GMCL1: variants seen among roughly 807,000 people sequenced by gnomAD.
GMCL1 encodes the protein germ cell-less protein-like 1.
A neutral mutation model predicts 75.5 loss-of-function variants in GMCL1; 54 were observed. That is an observed-to-expected ratio of 0.71 (90% CI 0.57 to 0.90). The LOEUF (loss-of-function observed/expected upper bound fraction) is 0.90. Among genes scored for constraint, GMCL1 ranks in the 40% least tolerant of loss-of-function variants. The probability of loss-of-function intolerance (pLI) is 0.00; values close to 1 mark genes in which losing one functional copy is unlikely to be tolerated. For missense variants in GMCL1, 537 were observed against 622.7 expected (o/e 0.86, Z 1.47); for synonymous variants, 210 against 209.6 (o/e 1.00, Z -0.02).
At chr2:69,836,127 G>A (rs1296940178) in intron 1 of GMCL1, among the ~76,000 whole-genome samples, 1 of 152,128 alleles carries the variant, frequency 6.6e-6, no homozygotes, top group East Asian at 1.9e-4. Flanking sequence ...TTGTTTCCCT[G>A]AGACCTCATC....
chr2:69,847,543 T>TA lies in GMCL1; in HGVS notation c.760dup (p.Ile254AsnfsTer12), dbSNP rs1675188971. On this transcript the variant is annotated frameshift_variant and splice_region_variant, in exon 7 of 14. Transcript: ENST00000282570. LOFTEE classifies it high-confidence loss of function. The stretch of plus-strand genomic sequence containing the variant: ...CACTCCCTCTATTTATCCTTTTCAG[T>TA]ATAAATGTCATGAAACAGCTCATTG... The TA allele has an allele frequency of 3.8e-6, 6 of 1,577,826 alleles. No individual in the cohort carries two copies. The highest frequency in any genetic ancestry group is 3.5e-6 in the Non-Finnish European group (4 of 1,147,192).
intron 10 of GMCL1, among the ~76,000 whole-genome samples, chr2:69,864,683 A>G (rs2104025179): frequency 6.7e-6 from 1 of 149,832 alleles, no homozygotes; most frequent in South Asian, 2.1e-4. Context: ...AGTAGTCCAG[A>G]AGTCAGGGCA....
chr2:69,851,780 T>A (rs955451869), intron 8 of GMCL1, among the ~76,000 whole-genome samples: 2 of 151,982 alleles, frequency 1.3e-5, no homozygotes, highest in Non-Finnish European at 2.9e-5. Context: ...GGAAAAAAAA[T>A]GTCTTTTGAT....
At chr2:69,853,652 C>T (rs565529029) in intron 8 of GMCL1, among the ~76,000 whole-genome samples, 1 of 152,216 alleles carries the variant, frequency 6.6e-6, no homozygotes, top group African/African-American at 2.4e-5. Flanking sequence ...AGGGCTCATG[C>T]ACAAATACCT....
At position 69,829,746 on chromosome 2, in the gene GMCL1, CTG is replaced by C. The variant is rs753848381; in HGVS notation, c.-144_-143del. 7 of 890,012 alleles carry C rather than the reference CTG, an allele frequency of 7.9e-6. No individual in the cohort carries two copies. The highest frequency in any genetic ancestry group is 6.9e-5 in the African/African-American group (4 of 57,772). 55.1% of individuals were successfully genotyped at this position (890,012 alleles called of 1,614,324 possible). On this transcript the variant is annotated 5_prime_UTR_variant, in exon 1 of 14. The change creates a premature stop within an existing upstream ORF in the 5' untranslated region. Coordinates refer to ENST00000282570, the MANE Select transcript of GMCL1 (RefSeq NM_178439.5). ...CTGCGGGCGGGGAAGAGGATGGAGA[CTG>C]TGGCGTCCGCTGCAACGGTTGGGGC...
rs1365810923 is a variant in GMCL1 at position 69,852,544 on chromosome 2, C to T, written c.935-2279C>T. 3.9e-3 allele frequency among the ~76,000 whole-genome samples: 571 copies of T among 147,746 alleles called. 3 individuals carry two copies. The highest frequency in any genetic ancestry group is 0.014 in the African/African-American group (544 of 40,220). ...TATATTTTGGCATATGTCTGTCTGT[C>T]TTTTTTTTTTTGAGACAGAGTCTTG... is the stretch of plus-strand genomic sequence containing the variant. On this transcript the variant is annotated intron_variant, in intron 8 of 13. Transcript: ENST00000282570.
chr2:69,862,799 A>T (rs1675696005), intron 10 of GMCL1, among the ~76,000 whole-genome samples: 1 of 152,180 alleles, frequency 6.6e-6, no homozygotes, highest in Non-Finnish European at 1.5e-5. Context: ...TAATAAATTG[A>T]AATCAAAAAG....
At chr2:69,878,689 C>T (rs1280325956) in intron 13 of GMCL1, among the ~76,000 whole-genome samples, 1 of 152,122 alleles carries the variant, frequency 6.6e-6, no homozygotes, top group Non-Finnish European at 1.5e-5. Flanking sequence ...TGTATTATCT[C>T]TTGTAATCCT....
At chr2:69,838,551 A>G (rs936424578) in intron 2 of GMCL1, among the ~76,000 whole-genome samples, 6 of 152,174 alleles carry the variant, frequency 3.9e-5, no homozygotes, top group Non-Finnish European at 7.3e-5. Context: ...ACAGCATAGT[A>G]TAAAATTTTT....
chr2:69,837,924 G>A (rs538287589), intron 2 of GMCL1, among the ~76,000 whole-genome samples: 15 of 151,954 alleles, frequency 9.9e-5, no homozygotes, highest in African/African-American at 2.9e-4. Context: ...TGCTTTTTTC[G>A]GTGCCTTCTG....
intron 10 of GMCL1, 88 bp from the exon 11 acceptor site, chr2:69,864,812 C>A: frequency 2.5e-6 from 2 of 811,288 alleles, no homozygotes; most frequent in Non-Finnish European, 4.0e-6. Flanking sequence ...AATCTGGTAG[C>A]AAGATTTTCT....
At chr2:69,834,367 C>T (rs1674757948) in intron 1 of GMCL1, among the ~76,000 whole-genome samples, 1 of 152,142 alleles carries the variant, frequency 6.6e-6, no homozygotes, top group Non-Finnish European at 1.5e-5. Flanking sequence ...TTTTGTGTAG[C>T]CTGCATTTCT....
chr2:69,868,148 C>A (rs963998900), intron 11 of GMCL1, among the ~76,000 whole-genome samples: 1 of 152,082 alleles, frequency 6.6e-6, no homozygotes, highest in Non-Finnish European at 1.5e-5. Flanking sequence ...ACCTGCAATT[C>A]CAGCTACTTG....
intron 9 of GMCL1, among the ~76,000 whole-genome samples, chr2:69,858,597 T>G (rs572409572): frequency 2.0e-5 from 3 of 152,136 alleles, no homozygotes; most frequent in African/African-American, 7.2e-5. Context: ...CAGGGATTCT[T>G]TTTTTTTCCT....
At chr2:69,860,165 T>C (rs1675600955) in intron 9 of GMCL1, among the ~76,000 whole-genome samples, 1 of 152,168 alleles carries the variant, frequency 6.6e-6, no homozygotes, top group South Asian at 2.1e-4. Flanking sequence ...CTAATTTTTG[T>C]GGTTTTGGAG....
intron 1 of GMCL1, among the ~76,000 whole-genome samples, chr2:69,834,199 G>A (rs991129980): frequency 6.6e-6 from 1 of 151,758 alleles, no homozygotes; most frequent in African/African-American, 2.4e-5. Context: ...TCATGGCTTC[G>A]GGTTTTTCTG....
chr2:69,853,530 A>G (rs1675379356), intron 8 of GMCL1, among the ~76,000 whole-genome samples: 1 of 152,208 alleles, frequency 6.6e-6, no homozygotes, highest in African/African-American at 2.4e-5. Context: ...ATGGTTTGAG[A>G]CATAATAGTC....
chr2:69,844,779 A>G (rs1435810641), intron 6 of GMCL1: 2 of 282,768 alleles, frequency 7.1e-6, no homozygotes, highest in Non-Finnish European at 1.6e-5. Flanking sequence ...TGATTGCGAC[A>G]CTGCTCTCCA....
At chr2:69,870,591 G>T (rs1167259557) in intron 12 of GMCL1, among the ~76,000 whole-genome samples, 1 of 152,134 alleles carries the variant, frequency 6.6e-6, no homozygotes, top group East Asian at 1.9e-4. Flanking sequence ...AATGAGAGCA[G>T]ATATTTGTAA....
Sources: allele counts gnomAD v4.1 joint callset (sites outside exome capture counted in the v4.1 genomes callset), GRCh38; gene constraint gnomAD v4.1.1; transcripts MANE v1.5; gene names NCBI Gene and HGNC (gene_info 2026-07-23, HGNC 2026-07-21).